BRSK1: variants seen among roughly 807,000 people sequenced by gnomAD.
BRSK1 encodes the protein serine/threonine-protein kinase BRSK1.
Under a neutral mutation model 86.2 loss-of-function variants are expected in BRSK1, and 17 were observed. The observed-to-expected ratio is 0.20, with a 90% CI of 0.14 to 0.30. The LOEUF (loss-of-function observed/expected upper bound fraction) is 0.30. Among genes scored for constraint, BRSK1 ranks in the 10% least tolerant of loss-of-function variants. The pLI is 1.00. For synonymous variants in BRSK1, 464 were observed against 440.1 expected, an observed-to-expected ratio of 1.05 and a Z score of -0.68; for missense variants, 719 against 1,071.9, an observed-to-expected ratio of 0.67 and a Z score of 4.60.
At position 55,303,992 on chromosome 19, in the gene BRSK1, T is replaced by C. The variant is rs2088609352; in HGVS notation, c.1287-58T>C. ...AGGACTGTAGAAGTGAGGGAACATC[T>C]GTGGTTTTTGAAACCCTCCCATCTG... On this transcript the variant is annotated intron_variant, in intron 12 of 18. Transcript: ENST00000309383. This position sits in a 1 kb window ranked among gnomAD's most constrained non-coding sequence, Gnocchi z 5.1. The C allele has an allele frequency of 6.4e-7, 1 of 1,556,300 alleles. No homozygotes were observed. The highest frequency in any genetic ancestry group is 8.7e-7 in the Non-Finnish European group (1 of 1,152,116).
chr19:55,308,503 C>G, intron 17 of BRSK1, 136 bp from the exon 18 acceptor site: 1 of 684,266 alleles, frequency 1.5e-6, no homozygotes, highest in Non-Finnish European at 2.7e-6. Flanking sequence ...ATTGATGTGG[C>G]CCCAGCGGAG....
chr19:55,303,222 A>T lies in BRSK1; in HGVS notation c.1029-89A>T. The T allele has an allele frequency of 9.7e-7, 1 of 1,033,738 alleles. No homozygotes were observed. Among genetic ancestry groups the T allele is most frequent in the Non-Finnish European group, 1.5e-6 (1 of 667,258 alleles). 64.0% of individuals were successfully genotyped at this position (1,033,738 alleles called of 1,614,324 possible). On this transcript the variant is annotated intron_variant, in intron 10 of 18. Coordinates refer to ENST00000309383, the MANE Select transcript of BRSK1 (RefSeq NM_032430.2). This position sits in a 1 kb window ranked among gnomAD's most constrained non-coding sequence, Gnocchi z 5.1. ...AAAAAATGGAACCATGGGCAGAAAT[A>T]CAGGGAGCGGAGGAGACCTCCTCTG...
chr19:55,311,675 G>C (rs1051197401), intron 18 of BRSK1, among the ~76,000 whole-genome samples: 1 of 152,184 alleles, frequency 6.6e-6, no homozygotes, highest in Non-Finnish European at 1.5e-5. Flanking sequence ...AGGGTTGCAG[G>C]GGGCATAGGG....
At chr19:55,288,473 CAAAAAAA>C (rs1233222342) in intron 3 of BRSK1, among the ~76,000 whole-genome samples, 1 of 55,938 alleles carries the variant, frequency 1.8e-5, no homozygotes. Flanking sequence ...GACTCTGTCT[CAAAAAAA>C]AAAAAAAAAA....
rs142824115 is a variant in BRSK1, at chr19:55,294,260, C to T, written c.609+13C>T. On this transcript the variant is annotated intron_variant, in intron 6 of 18. Coordinates refer to ENST00000309383, the MANE Select transcript of BRSK1 (RefSeq NM_032430.2). This position sits in a 1 kb window ranked among gnomAD's most constrained non-coding sequence, Gnocchi z 4.9. ...AGAGGTGATTAAGGTGAGTGAGGGGCGGATAGAGGGGAGAGGGGTGGAGGC... is the reference window on the plus strand; with the variant it reads ...AGAGGTGATTAAGGTGAGTGAGGGGTGGATAGAGGGGAGAGGGGTGGAGGC... The T allele has an allele frequency of 3.7e-3, 5,948 of 1,613,878 alleles. 23 individuals carry two copies. Among genetic ancestry groups the T allele is most frequent in the Non-Finnish European group, 4.3e-3 (5,038 of 1,179,948 alleles).
rs2088571556 is a variant in BRSK1, at chr19:55,301,712, AC to A, written c.825+59del. 6 of 1,573,126 alleles carry A rather than the reference AC, an allele frequency of 3.8e-6. 1 individual carries two copies. In the Admixed American group the frequency reaches 7.2e-5, roughly 19 times the overall value. ...GGGAACAGTGGCCGATGAAGACAGA[AC>A]CCCCTAGAAAAGTCATGGGGATGGG... On this transcript the variant is annotated intron_variant, in intron 8 of 18. Transcript: ENST00000309383.
At position 55,303,122 on chromosome 19, in the gene BRSK1, C is replaced by T. The variant is rs553113651; in HGVS notation, c.1029-189C>T. On this transcript the variant is annotated intron_variant, in intron 10 of 18. Transcript: ENST00000309383. The surrounding 1 kb of genome is among the most constrained non-coding windows in gnomAD (Gnocchi z 5.1). The stretch of plus-strand genomic sequence containing the variant: ...GTTCTTGCCTGGATGTTAGGTGTTA[C>T]AGTGTTATTATAATTGAGTGAAACA... The T allele has an allele frequency of 8.8e-4, 556 of 634,188 alleles. 8 individuals carry two copies. The South Asian group carries it at 0.011, about 12-fold the overall frequency. 39.3% of individuals were successfully genotyped at this position (634,188 alleles called of 1,614,324 possible). A position where few individuals can be genotyped will look rare whatever the true frequency, so the allele number is the denominator to read the frequency against.
chr19:55,292,626 G>C (rs976470817), intron 4 of BRSK1, among the ~76,000 whole-genome samples: 5 of 152,060 alleles, frequency 3.3e-5, no homozygotes, highest in African/African-American at 1.2e-4. Flanking sequence ...CTGACGTGAA[G>C]AGTTCGAGAC....
chr19:55,311,775 G>A, intron 18 of BRSK1, 136 bp from the exon 19 acceptor site: 1 of 888,902 alleles, frequency 1.1e-6, no homozygotes, highest in Non-Finnish European at 1.7e-6. Context: ...GACGGACTGG[G>A]CCTTATCAGG....
intron 7 of BRSK1, among the ~76,000 whole-genome samples, chr19:55,297,268 G>A (rs2088502829): frequency 6.6e-6 from 1 of 151,872 alleles, no homozygotes; most frequent in South Asian, 2.1e-4. Context: ...GTAGACATGG[G>A]GTTTCACCAT....
Position 55,284,237 on chromosome 19 carries a change from C to A in BRSK1, c.-206C>A. 1 of 522,184 alleles carries A rather than the reference C, an allele frequency of 1.9e-6. No homozygotes were observed. The highest frequency in any genetic ancestry group is 2.9e-6 in the Non-Finnish European group (1 of 344,320). 32.3% of individuals were successfully genotyped at this position (522,184 alleles called of 1,614,324 possible). A position where few individuals can be genotyped will look rare whatever the true frequency, so the allele number is the denominator to read the frequency against. On this transcript the variant is annotated 5_prime_UTR_variant, in exon 1 of 19. The change creates a new upstream start codon in the 5' untranslated region. Transcript: ENST00000309383. ...CCTGGGCCATGCTGACTCCCGGGGC[C>A]TGACCCCCCCGGGCCAGCCCCCCCT...
At chr19:55,301,487 G>C in intron 7 of BRSK1, 25 bp from the exon 8 acceptor site, 1 of 1,610,918 alleles carries the variant, frequency 6.2e-7, no homozygotes, top group Non-Finnish European at 8.5e-7. Flanking sequence ...GTGCTAATGA[G>C]GGGTCCTGGT....
chr19:55,297,627 T>C (rs909327094), intron 7 of BRSK1, among the ~76,000 whole-genome samples: 1 of 147,838 alleles, frequency 6.8e-6, no homozygotes, highest in Non-Finnish European at 1.5e-5. Flanking sequence ...GCTAAGAATG[T>C]TCAGAACTCA....
At chr19:55,288,225 A>G (rs1348621071) in intron 3 of BRSK1, among the ~76,000 whole-genome samples, 9 of 152,104 alleles carry the variant, frequency 5.9e-5, no homozygotes, top group African/African-American at 2.2e-4. Context: ...TCATGCCTGT[A>G]ATCTCAACAC....
intron 1 of BRSK1, 47 bp from the exon 2 acceptor site, chr19:55,286,960 G>A (rs377153410): frequency 7.9e-5 from 125 of 1,591,772 alleles, no homozygotes; most frequent in Middle Eastern, 5.3e-4. Flanking sequence ...CGCTGGGGAC[G>A]AAGGGGACCC....
At chr19:55,308,166 A>G (rs1377468871) in intron 17 of BRSK1, among the ~76,000 whole-genome samples, 2 of 151,518 alleles carry the variant, frequency 1.3e-5, no homozygotes, top group East Asian at 2.0e-4. Flanking sequence ...GATTACAGGC[A>G]TGCGTCACCA....
Position 55,304,806 on chromosome 19 carries a change from A to C in BRSK1, c.1603A>C (p.Thr535Pro), listed in dbSNP as rs759449612. ...RASPTGTPGT[T>P]PPPSPGGGVG... ...CAGTCCCACCGGGACCCCGGGGACAACACCACCCCCCAGCCCCGGCGGTGG... is the reference window on the plus strand; with the variant it reads ...CAGTCCCACCGGGACCCCGGGGACACCACCACCCCCCAGCCCCGGCGGTGG... Residue 535 changes from threonine to proline, a missense_variant, in exon 14 of 19, where the codon ACA becomes CCA. By Grantham distance (38) the Thr-to-Pro change is conservative. Around this residue, in one of 6 missense-constraint regions of BRSK1, gnomAD observed 143 missense variants for 120.1 expected, o/e 1.19. Coordinates refer to ENST00000309383, the MANE Select transcript of BRSK1 (RefSeq NM_032430.2). The surrounding 1 kb of genome is among the most constrained non-coding windows in gnomAD (Gnocchi z 5.2). 3.8e-6 allele frequency: 6 copies of C among 1,575,466 alleles called. No individual in the cohort carries two copies. Among genetic ancestry groups the C allele is most frequent in the African/African-American group, 1.4e-5 (1 of 73,832 alleles).
chr19:55,298,209 C>CTTTTTTTTTTTTTTTT (rs71181751), intron 7 of BRSK1, among the ~76,000 whole-genome samples: 21 of 69,618 alleles, frequency 3.0e-4, no homozygotes, highest in South Asian at 7.0e-4. Context: ...TTTGTTTCTT[C>CTTTTTTTTTTTTTTTT]TTTTTTTTTT....
intron 16 of BRSK1, 22 bp downstream of exon 16, chr19:55,305,608 C>A (rs201393743): frequency 2.5e-6 from 4 of 1,613,512 alleles, no homozygotes; most frequent in Non-Finnish European, 3.4e-6. Context: ...GGGTCCCCAT[C>A]GAGCCTGGCC....
Sources: allele counts gnomAD v4.1 joint callset (sites outside exome capture counted in the v4.1 genomes callset), GRCh38; gene constraint gnomAD v4.1.1; regional missense constraint gnomAD v4.1.1; non-coding constraint Gnocchi (gnomAD v3.1); transcripts MANE v1.5; gene names NCBI Gene and HGNC (gene_info 2026-07-23, HGNC 2026-07-21).